GNG4: variants seen among roughly 807,000 people sequenced by gnomAD.
GNG4 encodes G protein subunit gamma 4, also known as guanine nucleotide-binding protein G(I)/G(S)/G(O) subunit gamma-4.
Under a neutral mutation model 5.8 loss-of-function variants are expected in GNG4, and 4 were observed. That is an observed-to-expected ratio of 0.69 (90% CI 0.34 to 1.57). The LOEUF (loss-of-function observed/expected upper bound fraction) is 1.57, where lower values mean the gene tolerates loss of function less well. GNG4 is among the 40% of genes most tolerant of loss of function. The pLI is 0.06. For synonymous variants in GNG4, 29 were observed against 32.9 expected, an observed-to-expected ratio of 0.88 and a Z score of 0.41; for missense variants, 96 against 95.1, an observed-to-expected ratio of 1.01 and a Z score of -0.04.
At chr1:235,643,484 G>A (rs1207191998) in intron 1 of GNG4, among the ~76,000 whole-genome samples, 1 of 152,218 alleles carries the variant, frequency 6.6e-6, no homozygotes, top group African/African-American at 2.4e-5. Context: ...CTCCTCTGGA[G>A]TGCATGACCA....
chr1:235,568,578 T>C (rs12081805), intron 3 of GNG4, among the ~76,000 whole-genome samples: 32,722 of 152,100 alleles, frequency 0.22, 4,362 homozygotes, highest in African/African-American at 0.36. Context: ...TATGTTGCCA[T>C]GGACATAAAT....
rs146617866 is a variant in GNG4, at chr1:235,573,519, T to C, written c.99+10221A>G. Among the ~76,000 whole-genome samples the C allele has an allele frequency of 5.3e-3, 802 of 151,364 alleles. 7 individuals are homozygous for C. Among genetic ancestry groups the C allele is most frequent in the African/African-American group, 0.019 (774 of 41,316 alleles). ...ACGGCCCGGTGCGGTAGCTCACACC[T>C]GTAATCCCAACACTTTGGGAGGCCG... On this transcript the variant is annotated intron_variant, in intron 3 of 3. Coordinates refer to ENST00000391854, the MANE Select transcript of GNG4 (RefSeq NM_001098722.2).
At chr1:235,626,957 T>C (rs1688825015) in intron 1 of GNG4, among the ~76,000 whole-genome samples, 1 of 30,060 alleles carries the variant, frequency 3.3e-5, no homozygotes, top group Admixed American at 5.6e-4. Flanking sequence ...AGACTCTATC[T>C]CAAAAAAAAA....
chr1:235,633,154 G>A (rs893480821), intron 1 of GNG4, among the ~76,000 whole-genome samples: 2 of 152,234 alleles, frequency 1.3e-5, no homozygotes, highest in Non-Finnish European at 2.9e-5. Flanking sequence ...AAACGATGTA[G>A]AGTCTGACGC....
At chr1:235,646,618 A>C (rs1657517506) in intron 1 of GNG4, among the ~76,000 whole-genome samples, 1 of 152,154 alleles carries the variant, frequency 6.6e-6, no homozygotes, top group Non-Finnish European at 1.5e-5. Context: ...GTTCCTCCAT[A>C]GCTCCCTATA....
chr1:235,584,501 G>A (rs1016632456), intron 2 of GNG4, among the ~76,000 whole-genome samples: 1 of 152,082 alleles, frequency 6.6e-6, no homozygotes, highest in African/African-American at 2.4e-5. Context: ...TGTGTTGAGA[G>A]TTTGTTTTCA....
chr1:235,621,668 T>G (rs1467677313), intron 1 of GNG4, among the ~76,000 whole-genome samples: 2 of 147,502 alleles, frequency 1.4e-5, no homozygotes, highest in Non-Finnish European at 3.0e-5. Flanking sequence ...GCAATTCCAC[T>G]GCAGTATTTT....
intron 1 of GNG4, among the ~76,000 whole-genome samples, chr1:235,627,404 G>A (rs1386292818): frequency 6.6e-6 from 1 of 151,990 alleles, no homozygotes; most frequent in Admixed American, 6.6e-5. Context: ...TGTATTTTTA[G>A]TAGAGATGGG....
chr1:235,567,230 G>A lies in GNG4; in HGVS notation c.100-14993C>T, dbSNP rs901569677. ...ATTACAGACTTGAGCCACTGCACCCGGCATAAAAAAATGTTTAATTATAGG... is the reference window on the plus strand; with the variant it reads ...ATTACAGACTTGAGCCACTGCACCCAGCATAAAAAAATGTTTAATTATAGG... On this transcript the variant is annotated intron_variant, in intron 3 of 3. Coordinates refer to ENST00000391854, the MANE Select transcript of GNG4 (RefSeq NM_001098722.2). Among the ~76,000 whole-genome samples, 6 of 151,602 alleles carry A rather than the reference G, an allele frequency of 4.0e-5. No individual in the cohort carries two copies. The South Asian group carries it at 6.3e-4, about 16-fold the overall frequency.
At chr1:235,633,836 G>C (rs73124512) in intron 1 of GNG4, among the ~76,000 whole-genome samples, 6,874 of 152,244 alleles carry the variant, frequency 0.045, 506 homozygotes, top group African/African-American at 0.15. Flanking sequence ...TGAAGAAGCA[G>C]CTGGATGGGA....
Position 235,597,564 on chromosome 1 carries a change from TTG to T in GNG4, c.-122-2055_-122-2054del, listed in dbSNP as rs1219253057. Among the ~76,000 whole-genome samples, 486 of 114,224 alleles carry T rather than the reference TTG, an allele frequency of 4.3e-3. 20 individuals are homozygous for T. The highest frequency in any genetic ancestry group is 0.013 in the African/African-American group (420 of 31,416). 74.9% of individuals were successfully genotyped at this position (114,224 alleles called of 152,430 possible). ...ATCCAGGAATGCTTTATGTTTTAGT[TTG>T]TTTTTTTTTTTAACTTGTTTGCTGT... On this transcript the variant is annotated intron_variant, in intron 1 of 3. Coordinates refer to ENST00000391854, the MANE Select transcript of GNG4 (RefSeq NM_001098722.2).
chr1:235,608,439 AC>A (rs1688408539), intron 1 of GNG4, among the ~76,000 whole-genome samples: 1 of 152,180 alleles, frequency 6.6e-6, no homozygotes, highest in Non-Finnish European at 1.5e-5. Flanking sequence ...TTGTGCAACC[AC>A]CAACACTATT....
At chr1:235,554,664 T>C (rs375920755) in intron 3 of GNG4, among the ~76,000 whole-genome samples, 1 of 151,988 alleles carries the variant, frequency 6.6e-6, no homozygotes, top group Non-Finnish European at 1.5e-5. Context: ...GCCAACATGG[T>C]GAAACCCCGT....
chr1:235,618,865 G>A (rs12734624), intron 1 of GNG4, among the ~76,000 whole-genome samples: 6 of 150,974 alleles, frequency 4.0e-5, no homozygotes, highest in Middle Eastern at 3.4e-3. Flanking sequence ...CATGTTGGCC[G>A]GGCTGGTCTC....
chr1:235,561,945 T>C (rs193279183), intron 3 of GNG4, among the ~76,000 whole-genome samples: 1 of 152,382 alleles, frequency 6.6e-6, no homozygotes, highest in Admixed American at 6.5e-5. Flanking sequence ...TGTACTCTTT[T>C]ATATTTATGT....
intron 3 of GNG4, chr1:235,566,916 C>A (rs1222739104): frequency 6.6e-6 from 1 of 151,978 alleles, no homozygotes; most frequent in African/African-American, 2.4e-5. Context: ...TTGGAGATAA[C>A]TTTGTCTTGA....
chr1:235,578,178 A>C (rs956079439), intron 3 of GNG4, among the ~76,000 whole-genome samples: 1 of 152,182 alleles, frequency 6.6e-6, no homozygotes, highest in Non-Finnish European at 1.5e-5. Flanking sequence ...TTATTAAAAA[A>C]ACAGACATCA....
At chr1:235,555,919 G>A (rs995420115) in intron 3 of GNG4, among the ~76,000 whole-genome samples, 2 of 151,962 alleles carry the variant, frequency 1.3e-5, no homozygotes, top group African/African-American at 4.8e-5. Flanking sequence ...CCAGACTGGA[G>A]TGCAGTAGGG....
At chr1:235,586,783 G>A (rs1687768953) in intron 2 of GNG4, among the ~76,000 whole-genome samples, 1 of 152,192 alleles carries the variant, frequency 6.6e-6, no homozygotes, top group Non-Finnish European at 1.5e-5. Context: ...GGCCTCACCA[G>A]GAACAGATGC....
Sources: allele counts gnomAD v4.1 joint callset (sites outside exome capture counted in the v4.1 genomes callset), GRCh38; gene constraint gnomAD v4.1.1; transcripts MANE v1.5; gene names NCBI Gene and HGNC (gene_info 2026-07-23, HGNC 2026-07-21).